The following KANSL1 variants were observed in gnomAD, a reference collection of about 807,000 sequenced individuals.
KANSL1 encodes MLL1/MLL complex subunit KANSL1.
A neutral mutation model predicts 103.6 loss-of-function variants in KANSL1; 22 were observed. The ratio of observed to expected loss-of-function variants is 0.21; its 90% CI spans 0.15 to 0.30. The LOEUF (loss-of-function observed/expected upper bound fraction) is 0.30, where lower values mean the gene tolerates loss of function less well. KANSL1 is among the 10% of genes least tolerant of loss of function. KANSL1 has a pLI of 1.00. For missense variants in KANSL1, 1,337 were observed against 1,399.8 expected, an observed-to-expected ratio of 0.96 and a Z score of 0.72; for synonymous variants, 600 against 527.6, an observed-to-expected ratio of 1.14 and a Z score of -1.88.
At chr17:46,105,999 C>T (rs1457546934) in intron 2 of KANSL1, among the ~76,000 whole-genome samples, 6 of 151,992 alleles carry the variant, frequency 3.9e-5, no homozygotes, top group Non-Finnish European at 8.8e-5. Flanking sequence ...GAGGCAGGGT[C>T]CCCCTTTCAT....
At chr17:46,213,640 G>A (rs1459246214) in intron 1 of KANSL1, among the ~76,000 whole-genome samples, 1 of 151,728 alleles carries the variant, frequency 6.6e-6, no homozygotes, top group African/African-American at 2.4e-5. Flanking sequence ...AACTAGGCGG[G>A]GTGCAGTGGC....
At chr17:46,137,472 T>C (rs2044204542) in intron 2 of KANSL1, among the ~76,000 whole-genome samples, 1 of 152,206 alleles carries the variant, frequency 6.6e-6, no homozygotes, top group Non-Finnish European at 1.5e-5. Flanking sequence ...ATCCTTACTA[T>C]AGCAGCCAAT....
intron 6 of KANSL1, among the ~76,000 whole-genome samples, chr17:46,055,925 G>T (rs1335990984): frequency 6.6e-6 from 1 of 152,128 alleles, no homozygotes; most frequent in African/African-American, 2.4e-5. Context: ...AAAACCAAGA[G>T]GTCATACAGA....
intron 1 of KANSL1, among the ~76,000 whole-genome samples, chr17:46,180,218 A>G (rs1423949117): frequency 6.6e-6 from 1 of 151,354 alleles, no homozygotes; most frequent in African/African-American, 2.4e-5. Flanking sequence ...TAGAGGGGCC[A>G]GGCACAGTGG....
chr17:46,159,359 C>A (rs1528072), intron 2 of KANSL1, among the ~76,000 whole-genome samples: 21,945 of 152,202 alleles, frequency 0.14, 2,135 homozygotes, highest in Non-Finnish European at 0.22. Context: ...TTTCTACTCT[C>A]TTACTCCCCT....
At chr17:46,069,911 G>A (rs1008161654) in intron 4 of KANSL1, among the ~76,000 whole-genome samples, 18 of 151,704 alleles carry the variant, frequency 1.2e-4, no homozygotes, top group African/African-American at 3.4e-4. Context: ...TGTCTTTTTT[G>A]TTGGATATCC....
chr17:46,151,686 T>G (rs1383198300), intron 2 of KANSL1, among the ~76,000 whole-genome samples: 1 of 152,266 alleles, frequency 6.6e-6, no homozygotes, highest in Admixed American at 6.5e-5. Flanking sequence ...TTTAAATTGA[T>G]GAATAACATT....
At chr17:46,182,392 A>G (rs1431362477) in intron 1 of KANSL1, among the ~76,000 whole-genome samples, 1 of 152,256 alleles carries the variant, frequency 6.6e-6, no homozygotes, top group Non-Finnish European at 1.5e-5. Context: ...AAGCTACATT[A>G]TGGAATGCAC....
intron 2 of KANSL1, among the ~76,000 whole-genome samples, chr17:46,136,212 G>A (rs542221310): frequency 6.6e-6 from 1 of 152,082 alleles, no homozygotes; most frequent in Non-Finnish European, 1.5e-5. Context: ...GTCACAAAAA[G>A]ACCTTAATTT....
rs151329554 is a variant in KANSL1, at chr17:46,067,611, A to T, written c.1590T>A (p.Ile530=). The T allele has an allele frequency of 7.5e-6, 12 of 1,608,600 alleles. No homozygotes were observed. The highest frequency in any genetic ancestry group is 1.0e-5 in the Non-Finnish European group (12 of 1,175,114). ...ATGATTTGGTAGACAGTGACTCTGA[A>T]ATATGACCAATAATAGGGGCACCAT... ...ENHGAPIIGH[I]SESLSTKSCG... The change falls in exon 5 of 15, where the codon ATT becomes ATA. Residue 530 remains isoleucine (I), a synonymous_variant. Coordinates refer to ENST00000432791, the MANE Select transcript of KANSL1 (RefSeq NM_015443.4).
chr17:46,074,508 T>TA (rs2078688345), intron 4 of KANSL1, among the ~76,000 whole-genome samples: 1 of 151,866 alleles, frequency 6.6e-6, no homozygotes, highest in Non-Finnish European at 1.5e-5. Context: ...AAATTATGAG[T>TA]AAAAATATAA....
chr17:46,053,006 G>T (rs1006229832), intron 6 of KANSL1, among the ~76,000 whole-genome samples: 52 of 101,472 alleles, frequency 5.1e-4, no homozygotes, highest in Non-Finnish European at 6.9e-4. Context: ...AAAAAAAAAA[G>T]GCTGCGCATG....
chr17:46,092,091 T>A, intron 3 of KANSL1, among the ~76,000 whole-genome samples: 1 of 152,174 alleles, frequency 6.6e-6, no homozygotes, highest in Admixed American at 6.5e-5. Flanking sequence ...TGCCTCGGCC[T>A]CCCAAAGTGC....
intron 6 of KANSL1, among the ~76,000 whole-genome samples, chr17:46,057,310 G>A (rs188542291): frequency 2.6e-5 from 4 of 152,062 alleles, no homozygotes; most frequent in Non-Finnish European, 5.9e-5. Flanking sequence ...GTCCTTAGAG[G>A]ATAGTAGAAA....
chr17:46,125,025 AGGGGAGGT>A (rs2043458252), intron 2 of KANSL1, among the ~76,000 whole-genome samples: 1 of 97,724 alleles, frequency 1.0e-5, no homozygotes, highest in Non-Finnish European at 2.3e-5. Context: ...AAGGGAAGGG[AGGGGAGGT>A]AGGGAGGGAG....
At position 46,066,606 on chromosome 17, in the gene KANSL1, T is replaced by C. The variant is rs372072783; in HGVS notation, c.1779A>G (p.Thr593=). The part of the protein sequence containing the change: ...SSDGTCVAAR[T]RPVLSCKKRR... ...GCTTCTTACAGCTCAGTACAGGACGTGTCCGGGCTGCCACACAGGTGCCAT... is the reference window on the plus strand; with the variant it reads ...GCTTCTTACAGCTCAGTACAGGACGCGTCCGGGCTGCCACACAGGTGCCAT... Residue 593 remains threonine (T), a synonymous_variant, in exon 6 of 15, where the codon ACA becomes ACG. Transcript: ENST00000432791. 5 of 1,614,064 alleles carry C rather than the reference T, an allele frequency of 3.1e-6. No individual in the cohort carries two copies. The highest frequency in any genetic ancestry group is 4.2e-6 in the Non-Finnish European group (5 of 1,180,032).
chr17:46,084,712 A>AAG (rs1213602571), intron 3 of KANSL1, among the ~76,000 whole-genome samples: 1 of 149,776 alleles, frequency 6.7e-6, no homozygotes, highest in African/African-American at 2.4e-5. Context: ...AAAAAAAAAA[A>AAG]AAAAAAAAAA....
At chr17:46,211,313 T>C (rs1269437018) in intron 1 of KANSL1, among the ~76,000 whole-genome samples, 1 of 151,388 alleles carries the variant, frequency 6.6e-6, no homozygotes, top group African/African-American at 2.4e-5. Flanking sequence ...ATCGTTTGGC[T>C]TCCCTGAGCC....
rs150233913 is a variant in KANSL1, at chr17:46,057,992, G to A, written c.1849-7288C>T. ...GTCTCTAAGACTGCCCTGGTTTTCC[G>A]TCTGGAAGTACATTCTAGACTGCAG... On this transcript the variant is annotated intron_variant, in intron 6 of 14. Coordinates refer to ENST00000432791, the MANE Select transcript of KANSL1 (RefSeq NM_015443.4). Among the ~76,000 whole-genome samples, 67 of 152,294 alleles carry A rather than the reference G, an allele frequency of 4.4e-4. No homozygotes were observed. The East Asian group carries it at 4.6e-3, about 11-fold the overall frequency.
Sources: allele counts gnomAD v4.1 joint callset (sites outside exome capture counted in the v4.1 genomes callset), GRCh38; gene constraint gnomAD v4.1.1; transcripts MANE v1.5; gene names NCBI Gene and HGNC (gene_info 2026-07-23, HGNC 2026-07-21).